Variants in UST observed in about 807,000 individuals in gnomAD.
UST encodes the protein chondroitin sulfate 2-O-sulfotransferase.
In UST, 21 loss-of-function variants were observed where a neutral mutation model predicts 45.6. The observed-to-expected ratio is 0.46, with a 90% CI of 0.33 to 0.66. The LOEUF is 0.66. Among genes scored for constraint, UST ranks in the 30% least tolerant of loss-of-function variants. The probability of loss-of-function intolerance (pLI) is 0.02; values close to 1 mark genes in which losing one functional copy is unlikely to be tolerated. For synonymous variants in UST, 215 were observed against 200.6 expected, an observed-to-expected ratio of 1.07 and a Z score of -0.61; for missense variants, 463 against 512.4, an observed-to-expected ratio of 0.90 and a Z score of 0.93.
chr6:149,070,381 C>T (rs1269257925), intron 7 of UST, among the ~76,000 whole-genome samples: 1 of 152,202 alleles, frequency 6.6e-6, no homozygotes, highest in African/African-American at 2.4e-5. Context: ...ATAAAATGTT[C>T]TGTTAGGAAC....
rs1418496693 is a variant in UST at position 149,075,506 on chromosome 6, A to G, written c.*1390A>G. 1 of 152,118 alleles carries G rather than the reference A, an allele frequency of 6.6e-6. No individual in the cohort carries two copies. The highest frequency in any genetic ancestry group is 1.5e-5 in the Non-Finnish European group (1 of 68,022). The allele number at this position is 152,118 out of a possible 1,614,324, so 9.4% of individuals were successfully genotyped here. A position where few individuals can be genotyped will look rare whatever the true frequency, so the allele number is the denominator to read the frequency against. ...CTTTGTAAGTAAGTGGCTGCCTCCAATGTGATGTGAGTACATGTTGGGCAG... is the reference window on the plus strand; with the variant it reads ...CTTTGTAAGTAAGTGGCTGCCTCCAGTGTGATGTGAGTACATGTTGGGCAG... On this transcript the variant is annotated 3_prime_UTR_variant, in exon 8 of 8. Coordinates refer to ENST00000367463, the MANE Select transcript of UST (RefSeq NM_005715.3).
intron 3 of UST, among the ~76,000 whole-genome samples, chr6:148,946,508 C>A (rs1404268452): frequency 2.9e-5 from 1 of 34,250 alleles, no homozygotes; most frequent in African/African-American, 9.1e-5. Flanking sequence ...AAGACTCCAT[C>A]TCAAAAAAAA....
chr6:148,891,103 C>T (rs1171793017), intron 2 of UST, among the ~76,000 whole-genome samples: 1 of 152,140 alleles, frequency 6.6e-6, no homozygotes, highest in Non-Finnish European at 1.5e-5. Flanking sequence ...AAAGTAACAC[C>T]TGCTCAATCT....
intron 7 of UST, among the ~76,000 whole-genome samples, chr6:149,031,224 G>A (rs66912641): frequency 2.7e-3 from 43 of 16,152 alleles, no homozygotes; most frequent in African/African-American, 0.016. Context: ...AAAAAAAAAA[G>A]TCTAAGCTGA....
intron 1 of UST, among the ~76,000 whole-genome samples, chr6:148,880,357 C>G (rs1194062628): frequency 1.3e-5 from 2 of 152,250 alleles, no homozygotes; most frequent in Non-Finnish European, 2.9e-5. Context: ...AGGTGTAGTA[C>G]AGTAAACAGT....
chr6:148,865,690 GT>G lies in UST; in HGVS notation c.248-21295del, dbSNP rs1415081987. On this transcript the variant is annotated intron_variant, in intron 1 of 7. Transcript: ENST00000367463. ...TGTGTGTGTGTGTGTGTGTGTGTGT[GT>G]GTGTGTGTGTGTGTGTGTGTGTGAA... 7.3e-5 allele frequency among the ~76,000 whole-genome samples: 11 copies of G among 151,286 alleles called. No homozygotes were observed. In the South Asian group the frequency reaches 1.7e-3, roughly 23 times the overall value.
At chr6:148,794,381 A>G (rs1259451275) in intron 1 of UST, among the ~76,000 whole-genome samples, 5 of 152,186 alleles carry the variant, frequency 3.3e-5, no homozygotes, top group African/African-American at 7.2e-5. Context: ...GAATTTTGAG[A>G]GTATCATACT....
chr6:148,974,946 C>T (rs1481315021), intron 5 of UST, among the ~76,000 whole-genome samples: 9 of 152,172 alleles, frequency 5.9e-5, no homozygotes, highest in East Asian at 5.8e-4. Flanking sequence ...CACTCACTTC[C>T]GGGTTTTGTA....
chr6:148,785,936 T>C (rs568073714), intron 1 of UST, among the ~76,000 whole-genome samples: 1 of 152,352 alleles, frequency 6.6e-6, no homozygotes, highest in South Asian at 2.1e-4. Flanking sequence ...TTATAGAATT[T>C]GTTTTTATGG....
chr6:148,753,079 A>T (rs1776021137), intron 1 of UST, among the ~76,000 whole-genome samples: 1 of 152,240 alleles, frequency 6.6e-6, no homozygotes. Flanking sequence ...CTGTTTTGCA[A>T]GAGAATTCCA....
intron 1 of UST, among the ~76,000 whole-genome samples, chr6:148,749,918 T>TA (rs1378662917): frequency 6.6e-6 from 1 of 152,228 alleles, no homozygotes; most frequent in Admixed American, 6.5e-5. Context: ...TGTTCCCTGT[T>TA]ACGTAAATAT....
chr6:148,814,725 T>C (rs1777324387), intron 1 of UST, among the ~76,000 whole-genome samples: 1 of 152,210 alleles, frequency 6.6e-6, no homozygotes, highest in Non-Finnish European at 1.5e-5. Flanking sequence ...TTCTTTGCTT[T>C]TCCTTTCTCA....
intron 1 of UST, among the ~76,000 whole-genome samples, chr6:148,858,104 A>G (rs973695867): frequency 1.3e-5 from 2 of 152,218 alleles, no homozygotes; most frequent in African/African-American, 2.4e-5. Context: ...CACAGAACTA[A>G]TAGGCTAGAT....
At chr6:148,954,976 G>C (rs1300070554) in intron 4 of UST, among the ~76,000 whole-genome samples, 2 of 152,158 alleles carry the variant, frequency 1.3e-5, no homozygotes, top group Non-Finnish European at 2.9e-5. Context: ...TGCTCTCCCT[G>C]TGCTGGCTCA....
At chr6:148,778,428 C>A (rs1776575512) in intron 1 of UST, among the ~76,000 whole-genome samples, 1 of 152,156 alleles carries the variant, frequency 6.6e-6, no homozygotes, top group Admixed American at 6.5e-5. Flanking sequence ...AGTGAGGATC[C>A]AGGGCCCAGG....
intron 5 of UST, among the ~76,000 whole-genome samples, chr6:149,002,949 T>C (rs192272782): frequency 4.6e-5 from 7 of 152,360 alleles, no homozygotes; most frequent in African/African-American, 1.7e-4. Flanking sequence ...AATCCAGTTA[T>C]TCATTGGTCG....
intron 1 of UST, among the ~76,000 whole-genome samples, chr6:148,846,760 T>A (rs941586458): frequency 6.6e-6 from 1 of 152,218 alleles, no homozygotes; most frequent in African/African-American, 2.4e-5. Flanking sequence ...AAACTATAAT[T>A]TGAGAATTGT....
chr6:148,798,360 T>C (rs1776990657), intron 1 of UST, among the ~76,000 whole-genome samples: 1 of 151,926 alleles, frequency 6.6e-6, no homozygotes, highest in South Asian at 2.1e-4. Context: ...GTGGGCTTAG[T>C]GGTGGGGAAT....
chr6:148,944,658 C>T (rs1780198926), intron 3 of UST, among the ~76,000 whole-genome samples: 1 of 152,166 alleles, frequency 6.6e-6, no homozygotes, highest in Admixed American at 6.5e-5. Flanking sequence ...AATCCCACTA[C>T]ATCTGTCCTT....
Sources: gnomAD v4.1 joint callset for allele counts (sites outside exome capture counted in the v4.1 genomes callset) on GRCh38, gnomAD v4.1.1 for gene constraint, MANE v1.5 for transcripts, NCBI Gene and HGNC (gene_info 2026-07-23, HGNC 2026-07-21) for gene names.